The following DLGAP2 variants were observed in gnomAD, a reference collection of about 807,000 sequenced individuals.
DLGAP2 encodes the protein DLG associated protein 2.
Under a neutral mutation model 100.3 loss-of-function variants are expected in DLGAP2, and 26 were observed. The ratio of observed to expected loss-of-function variants is 0.26; its 90% CI spans 0.19 to 0.36. The LOEUF is 0.36. Ranked by LOEUF, DLGAP2 falls within the 10% of genes least tolerant of loss-of-function variation. The pLI is 1.00. For synonymous variants in DLGAP2, 886 were observed against 630.1 expected (o/e 1.41, Z -6.08); for missense variants, 1,858 against 1,453.2 (o/e 1.28, Z -4.53).
intron 2 of DLGAP2, among the ~76,000 whole-genome samples, chr8:939,850 G>A (rs1391218141): frequency 1.3e-5 from 2 of 151,068 alleles, no homozygotes; most frequent in Non-Finnish European, 3.0e-5. Context: ...GGGGTGCCTG[G>A]GAGTGGGAGG....
intron 1 of DLGAP2, among the ~76,000 whole-genome samples, chr8:838,240 A>G (rs891808275): frequency 6.6e-5 from 10 of 152,120 alleles, no homozygotes; most frequent in African/African-American, 2.4e-4. Flanking sequence ...TGTTTTTAAA[A>G]TGAAAAGTGG....
chr8:1,247,420 A>G (rs111853348), intron 2 of DLGAP2, among the ~76,000 whole-genome samples: 1,877 of 61,058 alleles, frequency 0.031, 317 homozygotes, highest in African/African-American at 0.13. Context: ...GTGTGGGAGT[A>G]ATGGCCCATG....
At chr8:1,254,887 GCGT>G (rs1799137448) in intron 2 of DLGAP2, among the ~76,000 whole-genome samples, 1 of 150,898 alleles carries the variant, frequency 6.6e-6, no homozygotes, top group African/African-American at 2.4e-5. Flanking sequence ...TCTCCTGCCC[GCGT>G]GCTGTGTCTG....
chr8:1,277,469 A>C (rs1361783437), intron 3 of DLGAP2, among the ~76,000 whole-genome samples: 2 of 152,190 alleles, frequency 1.3e-5, no homozygotes, highest in African/African-American at 4.8e-5. Flanking sequence ...TGTGGGGTCA[A>C]ATGGGAGTGG....
chr8:1,339,909 G>T (rs907690796), intron 3 of DLGAP2, among the ~76,000 whole-genome samples: 4 of 152,212 alleles, frequency 2.6e-5, no homozygotes, highest in African/African-American at 9.6e-5. Flanking sequence ...CAAAATATGT[G>T]TATATTGACA....
intron 1 of DLGAP2, among the ~76,000 whole-genome samples, chr8:798,298 CA>C (rs1796077539): frequency 6.7e-6 from 1 of 148,958 alleles, no homozygotes; most frequent in African/African-American, 2.5e-5. Flanking sequence ...CGGCGCTGGC[CA>C]GGTGAGGGGT....
chr8:1,141,592 A>G (rs896464473), intron 2 of DLGAP2, among the ~76,000 whole-genome samples: 4 of 152,202 alleles, frequency 2.6e-5, no homozygotes, highest in South Asian at 2.1e-4. Context: ...GATTACACCA[A>G]TTCTAGAATA....
chr8:1,219,818 T>G (rs1276760813), intron 2 of DLGAP2, among the ~76,000 whole-genome samples: 1 of 152,166 alleles, frequency 6.6e-6, no homozygotes, highest in Non-Finnish European at 1.5e-5. Flanking sequence ...GGATTTCAGT[T>G]TCTTCCTGGT....
At chr8:746,779 A>G (rs1005464254) in intron 1 of DLGAP2, among the ~76,000 whole-genome samples, 2 of 152,252 alleles carry the variant, frequency 1.3e-5, no homozygotes, top group Admixed American at 6.5e-5. Context: ...ACAAAGCACC[A>G]CAGCCGGGCA....
intron 1 of DLGAP2, among the ~76,000 whole-genome samples, chr8:804,484 T>G (rs1563040595): frequency 6.6e-6 from 1 of 152,196 alleles, no homozygotes; most frequent in Non-Finnish European, 1.5e-5. Flanking sequence ...TCCGGCCTTG[T>G]TGCTGTTTCC....
intron 1 of DLGAP2, among the ~76,000 whole-genome samples, chr8:771,069 G>A (rs966243236): frequency 7.2e-5 from 11 of 152,006 alleles, no homozygotes; most frequent in Admixed American, 2.0e-4. Flanking sequence ...TCTCCATTTC[G>A]TGAAGTTGTG....
intron 2 of DLGAP2, among the ~76,000 whole-genome samples, chr8:977,707 A>G (rs896504465): frequency 7.4e-6 from 1 of 135,516 alleles, no homozygotes; most frequent in Non-Finnish European, 1.6e-5. Flanking sequence ...AGTTCATAGA[A>G]TTTTAGTAAT....
At position 1,609,145 on chromosome 8, in the gene DLGAP2, G is replaced by T. The variant is rs1280602456; in HGVS notation, c.1443-17595G>T. ...ATGTTAAGGGCAGCCAGAGAGAAAG[G>T]TCGGGTTACCCTCAAAGGGAAGCCC... On this transcript the variant is annotated intron_variant, in intron 6 of 14. Transcript: ENST00000637795. Among the ~76,000 whole-genome samples, 18 of 133,426 alleles carry T rather than the reference G, an allele frequency of 1.3e-4. 2 individuals carry two copies. Among genetic ancestry groups the T allele is most frequent in the South Asian group, 2.7e-4 (1 of 3,764 alleles). The allele number at this position is 133,426 out of a possible 152,430, so 87.5% of individuals were successfully genotyped here.
chr8:1,467,369 C>G (rs1012161802), intron 3 of DLGAP2, among the ~76,000 whole-genome samples: 1 of 151,724 alleles, frequency 6.6e-6, no homozygotes, highest in Non-Finnish European at 1.5e-5. Flanking sequence ...TCACGGCCCC[C>G]CACAGCCCCC....
At position 1,442,561 on chromosome 8, in the gene DLGAP2, G is replaced by T. The variant is rs10089488; in HGVS notation, c.107-58805G>T. ...GCCACTGGGGGAGACGGATCCGGGC[G>T]TAGACCCGCCAGGCTGCTGTGGGTT... On this transcript the variant is annotated intron_variant, in intron 3 of 14. Transcript: ENST00000637795. 5.9e-5 allele frequency among the ~76,000 whole-genome samples: 5 copies of T among 84,144 alleles called. 1 individual carries two copies. The highest frequency in any genetic ancestry group is 2.2e-4 in the African/African-American group (4 of 18,120). The allele number at this position is 84,144 out of a possible 152,430, so 55.2% of individuals were successfully genotyped here. A position where few individuals can be genotyped will look rare whatever the true frequency, so the allele number is the denominator to read the frequency against.
chr8:1,442,793 G>T (rs1016407099), intron 3 of DLGAP2, among the ~76,000 whole-genome samples: 37 of 119,456 alleles, frequency 3.1e-4, no homozygotes, highest in South Asian at 1.1e-3. Context: ...CAGGCTGCTG[G>T]GGGTTCAGCC....
chr8:1,635,676 G>T (rs1797749860), intron 8 of DLGAP2, among the ~76,000 whole-genome samples: 1 of 152,132 alleles, frequency 6.6e-6, no homozygotes, highest in Non-Finnish European at 1.5e-5. Flanking sequence ...CTTTATGCAG[G>T]CTCAAAAGGT....
At chr8:1,634,492 T>C (rs934535518) in intron 8 of DLGAP2, among the ~76,000 whole-genome samples, 11 of 152,190 alleles carry the variant, frequency 7.2e-5, no homozygotes, top group African/African-American at 2.7e-4. Flanking sequence ...TGTTTTCCTC[T>C]GGTTTGGCCG....
chr8:1,024,763 C>T (rs953007309), intron 2 of DLGAP2, among the ~76,000 whole-genome samples: 5 of 152,186 alleles, frequency 3.3e-5, no homozygotes, highest in African/African-American at 4.8e-5. Flanking sequence ...CTGGGTGAAA[C>T]GGACCTTCTT....
Sources: gnomAD v4.1 joint callset for allele counts (sites outside exome capture counted in the v4.1 genomes callset) on GRCh38, gnomAD v4.1.1 for gene constraint, MANE v1.5 for transcripts, NCBI Gene and HGNC (gene_info 2026-07-23, HGNC 2026-07-21) for gene names.